GSE1: variants seen among roughly 807,000 people sequenced by gnomAD.
GSE1 encodes Gse1 coiled-coil protein, also known as genetic suppressor element 1.
GSE1 carries 32 observed loss-of-function variants against 112.6 expected under a neutral mutation model. The ratio of observed to expected loss-of-function variants is 0.28; its 90% CI spans 0.21 to 0.38. The LOEUF is 0.38. Among genes scored for constraint, GSE1 ranks in the 10% least tolerant of loss-of-function variants. The pLI is 1.00. For missense variants in GSE1, 2,348 were observed against 1,699.2 expected, an observed-to-expected ratio of 1.38 and a Z score of -6.71; for synonymous variants, 1,115 against 735.6, an observed-to-expected ratio of 1.52 and a Z score of -8.35.
chr16:85,426,848 A>G (rs1415121001), intron 2 of GSE1, among the ~76,000 whole-genome samples: 1 of 152,204 alleles, frequency 6.6e-6, no homozygotes, highest in African/African-American at 2.4e-5. Context: ...CTGGTGGCTC[A>G]TGCATCCTCA....
At chr16:85,570,035 T>TG (rs1350641518) in intron 1 of GSE1, among the ~76,000 whole-genome samples, 1 of 152,176 alleles carries the variant, frequency 6.6e-6, no homozygotes, top group African/African-American at 2.4e-5. Flanking sequence ...AAGATACAGT[T>TG]GCGGCCCTGA....
upstream of GSE1, chr16:85,555,603 C>T: frequency 4.2e-6 from 4 of 962,926 alleles, no homozygotes; most frequent in South Asian, 4.8e-5. Context: ...CCCGCCCCTC[C>T]TCACCCAGTA....
At chr16:85,262,411 C>T (rs1223222063) in intron 1 of GSE1, among the ~76,000 whole-genome samples, 2 of 152,208 alleles carry the variant, frequency 1.3e-5, no homozygotes, top group African/African-American at 2.4e-5. Context: ...AGCTAATTAG[C>T]TGTGTGTCTT....
rs12923257 is a variant in GSE1 at position 85,419,776 on chromosome 16, C to G, written c.2464+62133C>G. Among the ~76,000 whole-genome samples, 3,293 of 151,562 alleles carry G rather than the reference C, an allele frequency of 0.022. 100 individuals are homozygous for G. The highest frequency in any genetic ancestry group is 0.14 in the East Asian group (712 of 5,118). ...CCTCCCCCGCCCCGCCCCCACCCCT[C>G]CAAGACTCTGATGGAAATGGTCCGA... On this transcript the variant is annotated intron_variant, in intron 2 of 2. Coordinates refer to the GSE1 transcript ENST00000637419. The surrounding 1 kb of genome is among the most constrained non-coding windows in gnomAD (Gnocchi z 6.5).
intron 2 of GSE1, among the ~76,000 whole-genome samples, chr16:85,380,831 G>A (rs1000877515): frequency 4.6e-5 from 7 of 152,162 alleles, no homozygotes; most frequent in Admixed American, 3.3e-4. Flanking sequence ...CTGGGAGACC[G>A]TCCTTCTCCC....
intron 2 of GSE1, among the ~76,000 whole-genome samples, chr16:85,376,724 GTGCCTC>G (rs537286049): frequency 1.6e-4 from 24 of 152,196 alleles, no homozygotes; most frequent in Non-Finnish European, 2.8e-4. Context: ...CAAGCCACAG[GTGCCTC>G]TGCTGCACAG....
intron 2 of GSE1, among the ~76,000 whole-genome samples, chr16:85,464,952 C>T (rs1048123940): frequency 9.2e-5 from 14 of 152,204 alleles, no homozygotes; most frequent in African/African-American, 3.1e-4. Context: ...AGGGGGAGGG[C>T]ACTGGCTTCG....
At chr16:85,307,826 C>G (rs534030514) in intron 1 of GSE1, among the ~76,000 whole-genome samples, 2 of 152,314 alleles carry the variant, frequency 1.3e-5, no homozygotes, top group African/African-American at 4.8e-5. Context: ...AACAAAGACA[C>G]TCTCATCAGG....
chr16:85,656,146 G>A (rs768084847), intron 6 of GSE1, among the ~76,000 whole-genome samples, 197 bp from the exon 7 acceptor site: 26 of 152,182 alleles, frequency 1.7e-4, no homozygotes, highest in Admixed American at 1.1e-3. Context: ...GCTCTCGGGC[G>A]TGCTTGGGCA....
Position 85,490,983 on chromosome 16 carries a change from A to G in GSE1, c.2464+133340A>G, listed in dbSNP as rs150185793. Among the ~76,000 whole-genome samples the G allele has an allele frequency of 2.4e-4, 37 of 152,214 alleles. No individual in the cohort carries two copies. The East Asian group carries it at 6.2e-3, about 26-fold the overall frequency. On this transcript the variant is annotated intron_variant, in intron 2 of 2. Coordinates refer to the GSE1 transcript ENST00000637419. ...ATTAGCGGCCCCGGGAGCCTCCCCAACGCGGGGCTGGACTCCACACCCCGA... is the reference window on the plus strand; with the variant it reads ...ATTAGCGGCCCCGGGAGCCTCCCCAGCGCGGGGCTGGACTCCACACCCCGA...
At chr16:85,243,814 C>T (rs983842071) in intron 1 of GSE1, among the ~76,000 whole-genome samples, 1 of 152,198 alleles carries the variant, frequency 6.6e-6, no homozygotes, top group Non-Finnish European at 1.5e-5. Flanking sequence ...TTAACTGTTT[C>T]TACTGTTTGG....
chr16:85,230,754 C>A (rs547653863), intron 1 of GSE1, among the ~76,000 whole-genome samples: 1 of 152,328 alleles, frequency 6.6e-6, no homozygotes, highest in South Asian at 2.1e-4. Context: ...AACTCACAGT[C>A]CTCCTGGGTT....
In GSE1 at chr16:85,339,988, T is replaced by G. The variant is rs2046590397; in HGVS notation, c.2284-17475T>G. Among the ~76,000 whole-genome samples the G allele has an allele frequency of 2.6e-5, 4 of 152,294 alleles. No homozygotes were observed. The South Asian group carries it at 8.3e-4, about 32-fold the overall frequency. On this transcript the variant is annotated intron_variant, in intron 1 of 2. Coordinates refer to the GSE1 transcript ENST00000637419. ...TTTAAAATTCACTAACAGGCTTGTT[T>G]TATGTCCCCTGGTCCCCACCTCTCT...
At chr16:85,633,253 C>G (rs967831352) in intron 1 of GSE1, among the ~76,000 whole-genome samples, 12 of 152,232 alleles carry the variant, frequency 7.9e-5, no homozygotes, top group African/African-American at 2.9e-4. Flanking sequence ...GCCTGTGTGG[C>G]CCCATCTCTG....
intron 1 of GSE1, among the ~76,000 whole-genome samples, chr16:85,280,712 T>C (rs2044832786): frequency 1.3e-5 from 2 of 152,218 alleles, no homozygotes; most frequent in Admixed American, 6.5e-5. Context: ...TCTCTTTAAT[T>C]TGGGGATTGC....
intron 2 of GSE1, among the ~76,000 whole-genome samples, chr16:85,455,049 C>T (rs2049789074): frequency 6.6e-6 from 1 of 152,226 alleles, no homozygotes; most frequent in South Asian, 2.1e-4. Flanking sequence ...TAAATGGGGA[C>T]ACGGGTGCAT....
intron 1 of GSE1, among the ~76,000 whole-genome samples, chr16:85,331,679 GTGTGTGTA>G (rs1255966729): frequency 1.1e-4 from 4 of 36,932 alleles, no homozygotes; most frequent in Admixed American, 4.1e-4. Context: ...GTGTGTGTGT[GTGTGTGTA>G]TATATATATA....
intron 2 of GSE1, among the ~76,000 whole-genome samples, chr16:85,493,132 G>T (rs1037527010): frequency 1.2e-4 from 19 of 152,190 alleles, no homozygotes; most frequent in African/African-American, 9.7e-5. Context: ...CTCCAGGGAG[G>T]GGCGATGCAG....
chr16:85,496,637 T>A (rs1456740943), intron 2 of GSE1, among the ~76,000 whole-genome samples: 1 of 152,176 alleles, frequency 6.6e-6, no homozygotes, highest in Non-Finnish European at 1.5e-5. Context: ...TGCAGGGAGC[T>A]GGGACCATGC....
Sources: allele counts gnomAD v4.1 joint callset (sites outside exome capture counted in the v4.1 genomes callset), GRCh38; gene constraint gnomAD v4.1.1; non-coding constraint Gnocchi (gnomAD v3.1); transcripts MANE v1.5; gene names NCBI Gene and HGNC (gene_info 2026-07-23, HGNC 2026-07-21).